The following RORA variants were observed in gnomAD, a reference collection of about 807,000 sequenced individuals.
RORA encodes the protein RAR related orphan receptor A, also known as nuclear receptor ROR-alpha.
RORA carries 7 observed loss-of-function variants against 69.5 expected under a neutral mutation model. The observed-to-expected ratio is 0.10, with a 90% confidence interval of 0.06 to 0.19. The LOEUF is 0.19. Ranked by LOEUF, RORA falls within the 10% of genes least tolerant of loss-of-function variation. The pLI is 1.00. For missense variants in RORA, 457 were observed against 663.0 expected (o/e 0.69, Z 3.41); for synonymous variants, 261 against 240.8 (o/e 1.08, Z -0.78).
chr15:60,810,252 A>C (rs948425097), intron 1 of RORA, among the ~76,000 whole-genome samples: 13 of 152,202 alleles, frequency 8.5e-5, no homozygotes, highest in African/African-American at 3.1e-4. Context: ...TCTACACTGG[A>C]AACAATTTTC....
chr15:60,511,659 G>A lies in RORA; in HGVS notation c.425-38C>T, dbSNP rs544809406. 1.1e-5 allele frequency: 17 copies of A among 1,545,960 alleles called. No homozygotes were observed. The Admixed American group carries it at 1.4e-4, about 13-fold the overall frequency. ...AGCCAAACCATACTACATACAATGC[G>A]CTTTTCTTCAATATTCTCTCCTGCG... On this transcript the variant is annotated intron_variant, in intron 4 of 10. Transcript: ENST00000335670. This position sits in a 1 kb window ranked among gnomAD's most constrained non-coding sequence, Gnocchi z 6.4.
intron 1 of RORA, among the ~76,000 whole-genome samples, chr15:60,716,684 C>T (rs2071223128): frequency 6.6e-6 from 1 of 152,138 alleles, no homozygotes; most frequent in African/African-American, 2.4e-5. Flanking sequence ...TCTTTCCCCA[C>T]CTTTCTGATT....
intron 1 of RORA, 76 bp downstream of exon 1, chr15:61,228,977 C>A (rs2080174783): frequency 1.3e-6 from 1 of 755,620 alleles, no homozygotes; most frequent in Non-Finnish European, 1.6e-6. Context: ...GCGCCCCGGG[C>A]GCCCGCTCCC....
At position 60,496,925 on chromosome 15, in the gene RORA, A is replaced by G. The variant is rs930729775; in HGVS notation, c.*530T>C. The G allele has an allele frequency of 6.6e-6, 1 of 152,562 alleles. No homozygotes were observed. Among genetic ancestry groups the G allele is most frequent in the African/African-American group, 2.4e-5 (1 of 41,462 alleles). 9.5% of individuals were successfully genotyped at this position (152,562 alleles called of 1,614,324 possible). On this transcript the variant is annotated 3_prime_UTR_variant, in exon 11 of 11. Transcript: ENST00000335670. This position sits in a 1 kb window ranked among gnomAD's most constrained non-coding sequence, Gnocchi z 4.5. ...ATGCCCATTTACCCTGTAATATATT[A>G]TAATGCTATTGTTGCTACTGCTATG...
chr15:60,605,673 A>C (rs1360322336), intron 2 of RORA, among the ~76,000 whole-genome samples: 1 of 152,246 alleles, frequency 6.6e-6, no homozygotes, highest in East Asian at 1.9e-4. Context: ...AGCTAATAGC[A>C]GGGAGGGAGA....
At chr15:60,908,473 T>C (rs1196703775) in intron 1 of RORA, among the ~76,000 whole-genome samples, 1 of 152,120 alleles carries the variant, frequency 6.6e-6, no homozygotes, top group African/African-American at 2.4e-5. Flanking sequence ...TAATACCAAA[T>C]TTTCAAATCT....
intron 1 of RORA, among the ~76,000 whole-genome samples, chr15:60,980,146 T>C (rs1290027444): frequency 6.6e-6 from 1 of 152,198 alleles, no homozygotes; most frequent in Non-Finnish European, 1.5e-5. Flanking sequence ...CACATGGGTT[T>C]TCCCCTCTTC....
chr15:60,562,378 G>A (rs1014859905), intron 2 of RORA, among the ~76,000 whole-genome samples: 1 of 151,940 alleles, frequency 6.6e-6, no homozygotes, highest in Non-Finnish European at 1.5e-5. Flanking sequence ...TGGGATGACA[G>A]GCATGTGCCA....
intron 2 of RORA, chr15:60,615,146 T>C: frequency 7.8e-7 from 1 of 1,285,770 alleles, no homozygotes; most frequent in Non-Finnish European, 1.1e-6. Flanking sequence ...CTCTCTCGTG[T>C]TTCCTCATCT....
rs1567115574 is a variant in RORA at position 60,597,607 on chromosome 15, TATATATATATACATACATATATATAC to T, written c.197-65782_197-65757del. ...ATATATATATATACACATATATATA[TATATATATATACATACATATATATAC>T]ATATATATATATATATGTAAGCAAA... On this transcript the variant is annotated intron_variant, in intron 2 of 10. Transcript: ENST00000335670. Among the ~76,000 whole-genome samples, 161 of 45,292 alleles carry T rather than the reference TATATATATATACATACATATATATAC, an allele frequency of 3.6e-3. 15 individuals are homozygous for T. Among genetic ancestry groups the T allele is most frequent in the East Asian group, 0.013 (8 of 612 alleles). 29.7% of individuals were successfully genotyped at this position (45,292 alleles called of 152,430 possible).
chr15:60,523,468 T>C (rs962533665), intron 3 of RORA, among the ~76,000 whole-genome samples: 3 of 152,226 alleles, frequency 2.0e-5, no homozygotes, highest in Admixed American at 1.3e-4. Context: ...ATGAGATAGA[T>C]ACCAAAGTTA....
intron 2 of RORA, chr15:60,592,334 C>G: frequency 7.6e-7 from 1 of 1,311,610 alleles, no homozygotes; most frequent in Non-Finnish European, 9.9e-7. Flanking sequence ...GCCCTCCTCC[C>G]CGCCCCCCGG....
intron 1 of RORA, among the ~76,000 whole-genome samples, chr15:60,779,449 C>T (rs1243649211): frequency 1.3e-5 from 2 of 152,156 alleles, no homozygotes; most frequent in African/African-American, 4.8e-5. Context: ...TTGGGTTTTA[C>T]CGGCCCAGCC....
chr15:60,720,105 T>C (rs1005510585), intron 1 of RORA, among the ~76,000 whole-genome samples: 14 of 152,142 alleles, frequency 9.2e-5, no homozygotes, highest in African/African-American at 3.1e-4. Flanking sequence ...AGCAGGAGCC[T>C]AAAATCGAGT....
chr15:60,523,957 G>A (rs1431589974), intron 3 of RORA, among the ~76,000 whole-genome samples: 1 of 152,196 alleles, frequency 6.6e-6, no homozygotes, highest in Non-Finnish European at 1.5e-5. Flanking sequence ...TTACAGGCAT[G>A]AGCCACTGCA....
At chr15:61,137,891 A>T (rs879741915) in intron 1 of RORA, among the ~76,000 whole-genome samples, 11 of 152,180 alleles carry the variant, frequency 7.2e-5, no homozygotes, top group Non-Finnish European at 1.3e-4. Flanking sequence ...CAAACATCCC[A>T]TTTCCTGGGT....
intron 3 of RORA, among the ~76,000 whole-genome samples, chr15:60,516,954 G>C (rs1347197097): frequency 6.6e-6 from 1 of 151,430 alleles, no homozygotes; most frequent in African/African-American, 2.4e-5. Flanking sequence ...TTTAAAAAAG[G>C]AACTAAAGAG....
chr15:60,916,098 G>A (rs924859598), intron 1 of RORA, among the ~76,000 whole-genome samples: 5 of 152,218 alleles, frequency 3.3e-5, no homozygotes, highest in Admixed American at 1.3e-4. Flanking sequence ...GTGGGGCACT[G>A]GAGGGGGAGG....
At chr15:61,010,494 G>GCCT (rs1384427266) in intron 1 of RORA, among the ~76,000 whole-genome samples, 2 of 152,176 alleles carry the variant, frequency 1.3e-5, no homozygotes, top group Non-Finnish European at 1.5e-5. Context: ...GAAACAAAAG[G>GCCT]CTGAGAGATC....
Sources: allele counts gnomAD v4.1 joint callset (sites outside exome capture counted in the v4.1 genomes callset), GRCh38; gene constraint gnomAD v4.1.1; non-coding constraint Gnocchi (gnomAD v3.1); transcripts MANE v1.5; gene names NCBI Gene and HGNC (gene_info 2026-07-23, HGNC 2026-07-21).